Variants in MAP4K4 observed in about 807,000 individuals in gnomAD.
The protein encoded by MAP4K4 is HPK/GCK-like kinase HGK.
Under a neutral mutation model 189.6 loss-of-function variants are expected in MAP4K4, and 38 were observed. The ratio of observed to expected loss-of-function variants is 0.20; its 90% CI spans 0.15 to 0.26. The LOEUF (loss-of-function observed/expected upper bound fraction) is 0.26. MAP4K4 is among the 10% of genes least tolerant of loss of function. The pLI is 1.00. For missense variants in MAP4K4, 1,054 were observed against 1,726.9 expected, an observed-to-expected ratio of 0.61 and a Z score of 6.91; for synonymous variants, 610 against 624.3, an observed-to-expected ratio of 0.98 and a Z score of 0.34.
intron 5 of MAP4K4, among the ~76,000 whole-genome samples, chr2:101,826,959 A>T (rs1030717348): frequency 1.3e-5 from 2 of 152,102 alleles, no homozygotes; most frequent in Non-Finnish European, 2.9e-5. Flanking sequence ...CTTGTATGTA[A>T]TTCCAGTATG....
intron 10 of MAP4K4, among the ~76,000 whole-genome samples, chr2:101,841,635 G>T (rs1428618327): frequency 6.6e-6 from 1 of 151,950 alleles, no homozygotes; most frequent in Admixed American, 6.6e-5. Flanking sequence ...CACCCGGCTG[G>T]TTTTTGTATT....
intron 2 of MAP4K4, among the ~76,000 whole-genome samples, chr2:101,711,344 T>A (rs1285016993): frequency 2.6e-5 from 4 of 152,130 alleles, no homozygotes; most frequent in Admixed American, 2.6e-4. Context: ...AACCTCTGCC[T>A]CCAGGGTTCA....
intron 12 of MAP4K4, among the ~76,000 whole-genome samples, chr2:101,853,995 T>G (rs1275086914): frequency 6.6e-6 from 1 of 152,172 alleles, no homozygotes; most frequent in Non-Finnish European, 1.5e-5. Flanking sequence ...TCCCAGAGAT[T>G]TTTTTGTTTG....
At chr2:101,875,812 A>C (rs775083768) in intron 26 of MAP4K4, among the ~76,000 whole-genome samples, 1 of 152,222 alleles carries the variant, frequency 6.6e-6, no homozygotes, top group African/African-American at 2.4e-5. Flanking sequence ...AAGAGGGAGA[A>C]GTGCTTTGGC....
Position 101,797,889 on chromosome 2 carries a change from GTT to G in MAP4K4, c.180+7133_180+7134del, listed in dbSNP as rs58201235. 3.9e-3 allele frequency among the ~76,000 whole-genome samples: 206 copies of G among 52,328 alleles called. 8 individuals carry two copies. The highest frequency in any genetic ancestry group is 6.6e-3 in the African/African-American group (87 of 13,158). 34.3% of individuals were successfully genotyped at this position (52,328 alleles called of 152,430 possible). The stretch of plus-strand genomic sequence containing the variant: ...TGAAGCTTTTTAAAACATTCTTTTA[GTT>G]TTTTTTTTTTTTTTTTTTTGGAGAC... On this transcript the variant is annotated intron_variant, in intron 3 of 32. Transcript: ENST00000324219.
chr2:101,761,451 A>G (rs1487298216), intron 2 of MAP4K4, among the ~76,000 whole-genome samples: 4 of 152,048 alleles, frequency 2.6e-5, no homozygotes, highest in Non-Finnish European at 4.4e-5. Flanking sequence ...GTCTGGCATC[A>G]CACTAGGTCC....
intron 3 of MAP4K4, among the ~76,000 whole-genome samples, chr2:101,813,054 A>G (rs10865047): frequency 0.75 from 113,502 of 152,068 alleles, 42,696 homozygotes; most frequent in African/African-American, 0.86. Flanking sequence ...GCGTGAACCC[A>G]GGAGGCGGAG....
chr2:101,867,388 C>G (rs1470939565), intron 20 of MAP4K4, 79 bp downstream of exon 20: 3 of 1,084,040 alleles, frequency 2.8e-6, no homozygotes, highest in South Asian at 2.8e-5. Context: ...GGTTGAGAGG[C>G]CTGCAGTCTT....
intron 32 of MAP4K4, among the ~76,000 whole-genome samples, chr2:101,889,530 T>C (rs2098535547): frequency 6.6e-6 from 1 of 152,100 alleles, no homozygotes; most frequent in Admixed American, 6.5e-5. Context: ...TCCCAGGAAG[T>C]CCCTTTTAAA....
intron 2 of MAP4K4, among the ~76,000 whole-genome samples, chr2:101,719,189 C>T (rs2050246486): frequency 6.6e-6 from 1 of 152,182 alleles, no homozygotes; most frequent in Non-Finnish European, 1.5e-5. Context: ...CTTTTATGCT[C>T]TTCATCTGTC....
At chr2:101,802,113 A>C (rs1248636403) in intron 3 of MAP4K4, among the ~76,000 whole-genome samples, 1 of 152,174 alleles carries the variant, frequency 6.6e-6, no homozygotes, top group African/African-American at 2.4e-5. Context: ...AATATGTTTT[A>C]ATGAGTCTGA....
At chr2:101,879,383 A>C (rs1196080073) in intron 27 of MAP4K4, among the ~76,000 whole-genome samples, 1 of 151,752 alleles carries the variant, frequency 6.6e-6, no homozygotes, top group Non-Finnish European at 1.5e-5. Context: ...GGAAGAATAA[A>C]ACAAAATGTC....
intron 2 of MAP4K4, among the ~76,000 whole-genome samples, chr2:101,709,410 C>T (rs1250370071): frequency 6.6e-6 from 1 of 152,184 alleles, no homozygotes; most frequent in African/African-American, 2.4e-5. Context: ...GCCCTGTTGG[C>T]AAGGCTAGTC....
At chr2:101,776,588 A>AC (rs2084317604) in intron 2 of MAP4K4, among the ~76,000 whole-genome samples, 1 of 31,312 alleles carries the variant, frequency 3.2e-5, no homozygotes, top group Non-Finnish European at 1.1e-4. Flanking sequence ...CCACCCCCCC[A>AC]AAAAAAAACA....
intron 1 of MAP4K4, 148 bp from the exon 2 acceptor site, chr2:101,698,324 GC>G: frequency 1.3e-6 from 1 of 793,394 alleles, no homozygotes; most frequent in South Asian, 1.5e-5. Context: ...CACGCCCCGA[GC>G]CCGCCGCGCG....
chr2:101,698,017 G>A, exon 1 of MAP4K4: 1 of 1,153,396 alleles, frequency 8.7e-7, no homozygotes, highest in Non-Finnish European at 1.1e-6. Context: ...CTGGTCTGCG[G>A]CTGAGATACA....
intron 5 of MAP4K4, among the ~76,000 whole-genome samples, chr2:101,828,051 T>C (rs2096440632): frequency 1.3e-5 from 2 of 152,206 alleles, no homozygotes; most frequent in Non-Finnish European, 2.9e-5. Context: ...AGAATAATCA[T>C]ATAACATTGT....
chr2:101,859,669 G>A (rs759441532), exon 15 of MAP4K4: 1 of 1,610,556 alleles, frequency 6.2e-7, no homozygotes, highest in Non-Finnish European at 8.5e-7. Flanking sequence ...AGATGGAGGA[G>A]CACCGGCAGG....
intron 2 of MAP4K4, among the ~76,000 whole-genome samples, chr2:101,736,155 T>A (rs772850298): frequency 2.6e-5 from 4 of 152,228 alleles, no homozygotes; most frequent in Non-Finnish European, 5.9e-5. Context: ...ATAACCTCCA[T>A]CCTAACTGGC....
Sources: gnomAD v4.1 joint callset for allele counts (sites outside exome capture counted in the v4.1 genomes callset) on GRCh38, gnomAD v4.1.1 for gene constraint, MANE v1.5 for transcripts, NCBI Gene and HGNC (gene_info 2026-07-23, HGNC 2026-07-21) for gene names.